The following NTSR1 variants were observed in gnomAD, a reference collection of about 807,000 sequenced individuals.
NTSR1 encodes neurotensin receptor 1.
NTSR1 carries 29 observed loss-of-function variants against 31.2 expected under a neutral mutation model. The ratio of observed to expected loss-of-function variants is 0.93; its 90% CI spans 0.69 to 1.27. The LOEUF (loss-of-function observed/expected upper bound fraction) is 1.27. Ranked by LOEUF, NTSR1 falls within the 50% of genes most tolerant of loss-of-function variation. The pLI, the probability that NTSR1 is intolerant of heterozygous loss-of-function variation, is 0.00. For synonymous variants in NTSR1, 282 were observed against 269.9 expected, an observed-to-expected ratio of 1.04 and a Z score of -0.44; for missense variants, 697 against 595.4, an observed-to-expected ratio of 1.17 and a Z score of -1.78.
chr20:62,731,061 TTTTTG>T (rs571230068), intron 1 of NTSR1, among the ~76,000 whole-genome samples: 1 of 152,070 alleles, frequency 6.6e-6, no homozygotes, highest in Admixed American at 6.6e-5. Flanking sequence ...TTTTAGAGCG[TTTTTG>T]TTTTGTTTTG....
intron 2 of NTSR1, among the ~76,000 whole-genome samples, chr20:62,756,902 A>G (rs1349939623): frequency 6.6e-6 from 1 of 152,218 alleles, no homozygotes; most frequent in Non-Finnish European, 1.5e-5. Context: ...TCTTTGGAGA[A>G]ATGTCTGAGT....
chr20:62,709,357 C>T lies in NTSR1; in HGVS notation c.150C>T (p.Pro50=). The change falls in exon 1 of 4, where the codon CCC becomes CCT. Residue 50 remains proline (P), a synonymous_variant. Transcript: ENST00000370501. ...CGTCGGAGCGCGTCCTGGCGGCACC[C>T]AGCAGCGAGCTGGACGTGAACACCG... ...GNASERVLAA[P]SSELDVNTDI... The T allele has an allele frequency of 6.2e-7, 1 of 1,610,188 alleles. No individual in the cohort carries two copies. Among genetic ancestry groups the T allele is most frequent in the Non-Finnish European group, 8.5e-7 (1 of 1,178,412 alleles).
intron 1 of NTSR1, among the ~76,000 whole-genome samples, chr20:62,728,181 G>A (rs1438987688): frequency 6.6e-6 from 1 of 152,198 alleles, no homozygotes; most frequent in African/African-American, 2.4e-5. Context: ...TTGAAGTCAG[G>A]GGAAGGGAGT....
At chr20:62,721,604 G>A (rs1015879244) in intron 1 of NTSR1, among the ~76,000 whole-genome samples, 1 of 152,188 alleles carries the variant, frequency 6.6e-6, no homozygotes. Context: ...TTAGATCTTG[G>A]AGATCGTTTA....
chr20:62,709,479 A>G lies in NTSR1; in HGVS notation c.272A>G (p.Lys91Arg). ...GTGACGGCGTTCACGCTGGCGCGGA[A>G]GAAGTCGCTGCAGAGCCTGCAGAGC... ...NTVTAFTLAR[K>R]KSLQSLQSTV... Residue 91 changes from lysine (K) to arginine (R), a missense_variant, in exon 1 of 4, where the codon AAG becomes AGG. Coordinates refer to ENST00000370501, the MANE Select transcript of NTSR1 (RefSeq NM_002531.3). 6.2e-7 allele frequency: 1 copy of G among 1,612,650 alleles called. No homozygotes were observed. Among genetic ancestry groups the G allele is most frequent in the Non-Finnish European group, 8.5e-7 (1 of 1,179,844 alleles).
chr20:62,728,447 G>A (rs1339248244), intron 1 of NTSR1, among the ~76,000 whole-genome samples: 3 of 152,166 alleles, frequency 2.0e-5, no homozygotes, highest in African/African-American at 4.8e-5. Flanking sequence ...AGGAGGGGAC[G>A]GAGCTTCCGT....
rs1989218289 is a variant in NTSR1, at chr20:62,742,238, C to G, written c.715-12447C>G. Among the ~76,000 whole-genome samples, 1 of 149,360 alleles carries G rather than the reference C, an allele frequency of 6.7e-6. No homozygotes were observed. Among genetic ancestry groups the G allele is most frequent in the South Asian group, 2.1e-4 (1 of 4,758 alleles). ...GACATGGCCCCTCCAGGTCACACGC[C>G]TGTTCTCTCTCCAGTCCTGCCCTCA... On this transcript the variant is annotated intron_variant, in intron 1 of 3. Coordinates refer to ENST00000370501, the MANE Select transcript of NTSR1 (RefSeq NM_002531.3). This position sits in a 1 kb window ranked among gnomAD's most constrained non-coding sequence, Gnocchi z 7.1.
At chr20:62,710,791 A>C (rs149933347) in intron 1 of NTSR1, among the ~76,000 whole-genome samples, 96 of 152,286 alleles carry the variant, frequency 6.3e-4, no homozygotes, top group African/African-American at 2.2e-3. Context: ...GCTGGTGTCC[A>C]GGGAGGAAGT....
At chr20:62,734,693 G>A (rs926573046) in intron 1 of NTSR1, among the ~76,000 whole-genome samples, 2 of 152,198 alleles carry the variant, frequency 1.3e-5, no homozygotes, top group African/African-American at 4.8e-5. Flanking sequence ...TGGTCTGAGT[G>A]AAGATGAGCT....
chr20:62,716,769 C>T (rs1024883300), intron 1 of NTSR1, among the ~76,000 whole-genome samples: 1 of 152,226 alleles, frequency 6.6e-6, no homozygotes, highest in Non-Finnish European at 1.5e-5. Context: ...CCCATCCCGG[C>T]AGCCCCTCGC....
intron 1 of NTSR1, among the ~76,000 whole-genome samples, chr20:62,726,377 G>A (rs1988907015): frequency 6.6e-6 from 1 of 152,200 alleles, no homozygotes; most frequent in Non-Finnish European, 1.5e-5. Context: ...CATTTCTCCT[G>A]CCCTCAAGAA....
intron 2 of NTSR1, among the ~76,000 whole-genome samples, chr20:62,756,390 C>CT (rs1989514075): frequency 6.6e-6 from 1 of 152,232 alleles, no homozygotes; most frequent in South Asian, 2.1e-4. Context: ...CAACACAGGG[C>CT]TTGGAGAGTG....
At chr20:62,736,190 A>T (rs11908295) in intron 1 of NTSR1, among the ~76,000 whole-genome samples, 1 of 152,064 alleles carries the variant, frequency 6.6e-6, no homozygotes, top group African/African-American at 2.4e-5. Context: ...GGGCAGGGGC[A>T]TCGTGGCTGG....
chr20:62,734,772 C>G (rs1187300739), intron 1 of NTSR1, among the ~76,000 whole-genome samples: 2 of 152,214 alleles, frequency 1.3e-5, no homozygotes, highest in East Asian at 1.9e-4. Context: ...TCACTAATAC[C>G]GTTGCAAGTT....
intron 1 of NTSR1, among the ~76,000 whole-genome samples, chr20:62,737,623 G>C (rs1989120785): frequency 6.6e-6 from 1 of 152,054 alleles, no homozygotes; most frequent in Non-Finnish European, 1.5e-5. Context: ...TGCCGTCCCT[G>C]CCTGGGCGCT....
At chr20:62,752,916 C>T (rs1049605347) in intron 1 of NTSR1, among the ~76,000 whole-genome samples, 10 of 152,118 alleles carry the variant, frequency 6.6e-5, no homozygotes, top group South Asian at 4.2e-4. Context: ...GCCTCAGATC[C>T]GGACGCCCAA....
intron 1 of NTSR1, among the ~76,000 whole-genome samples, chr20:62,750,225 C>T (rs1242868700): frequency 1.3e-5 from 2 of 151,906 alleles, no homozygotes; most frequent in Non-Finnish European, 2.9e-5. Context: ...TGTGATCTCG[C>T]TTATGTGTGG....
chr20:62,714,301 T>C lies in NTSR1; in HGVS notation c.714+4380T>C, dbSNP rs1323834248. On this transcript the variant is annotated intron_variant, in intron 1 of 3. Transcript: ENST00000370501. This position sits in a 1 kb window ranked among gnomAD's most constrained non-coding sequence, Gnocchi z 4.1. ...GCCAAGAGTCACACACTTCCTCCAG[T>C]CTGAGCCCATGACCCTTTAGAGGAA... Among the ~76,000 whole-genome samples, 2 of 152,282 alleles carry C rather than the reference T, an allele frequency of 1.3e-5. No individual in the cohort carries two copies. The highest frequency in any genetic ancestry group is 2.9e-5 in the Non-Finnish European group (2 of 68,024).
intron 1 of NTSR1, among the ~76,000 whole-genome samples, chr20:62,726,748 A>T (rs1056332112): frequency 2.6e-5 from 4 of 151,056 alleles, no homozygotes; most frequent in African/African-American, 9.7e-5. Flanking sequence ...TGCTTTTCTC[A>T]TTTTACTAGG....
Sources: gnomAD v4.1 joint callset for allele counts (sites outside exome capture counted in the v4.1 genomes callset) on GRCh38, gnomAD v4.1.1 for gene constraint, Gnocchi (gnomAD v3.1) non-coding constraint, MANE v1.5 for transcripts, NCBI Gene and HGNC (gene_info 2026-07-23, HGNC 2026-07-21) for gene names.